Variants in PTDSS1 observed in about 807,000 individuals in gnomAD.
The protein encoded by PTDSS1 is phosphatidylserine synthase 1.
In PTDSS1, 45 loss-of-function variants were observed where a neutral mutation model predicts 70.5. The observed-to-expected ratio is 0.64, with a 90% confidence interval of 0.50 to 0.82. The LOEUF is 0.82. Ranked by LOEUF, PTDSS1 falls within the 40% of genes least tolerant of loss-of-function variation. The pLI is 0.00. For synonymous variants in PTDSS1, 188 were observed against 203.8 expected (o/e 0.92, Z 0.66); for missense variants, 417 against 586.1 (o/e 0.71, Z 2.98).
Position 96,320,332 on chromosome 8 carries a change from G to T in PTDSS1, c.1160G>T (p.Trp387Leu). 1.2e-6 allele frequency: 2 copies of T among 1,609,520 alleles called. No homozygotes were observed. The highest frequency in any genetic ancestry group is 1.7e-6 in the Non-Finnish European group (2 of 1,175,960). The change falls in exon 10 of 13, where the codon TGG (tryptophan) becomes TTG (leucine). Residue 387 changes from tryptophan to leucine, a missense_variant. By Grantham distance (61) the Trp-to-Leu change is moderately conservative. This residue lies in a region of PTDSS1 where 107 missense variants were observed against 122.3 expected (regional missense o/e 0.88). Coordinates refer to ENST00000517309, the MANE Select transcript of PTDSS1 (RefSeq NM_014754.3). ...ACCCAAATACTCTATGTTGTGCTTTGGCTTCTTTGCGTGGTAAGTCACTGC... is the reference window on the plus strand; with the variant it reads ...ACCCAAATACTCTATGTTGTGCTTTTGCTTCTTTGCGTGGTAAGTCACTGC... Reference protein sequence around the residue: ...SKTQILYVVLWLLCVAFTTFL... With the variant: ...SKTQILYVVLLLLCVAFTTFL...
rs1811572379 is a variant in PTDSS1, at chr8:96,334,819, C to G, written c.*1253C>G. On this transcript the variant is annotated 3_prime_UTR_variant, in exon 13 of 13. Coordinates refer to ENST00000517309, the MANE Select transcript of PTDSS1 (RefSeq NM_014754.3). Reference sequence around the variant, plus strand: ...CAAGTTGGACTTTTTTTTCCTCTAACAAGAGGCCAGTACCCAGTTGATTAG... The same window carrying G: ...CAAGTTGGACTTTTTTTTCCTCTAAGAAGAGGCCAGTACCCAGTTGATTAG... The G allele has an allele frequency of 6.6e-6, 1 of 152,160 alleles. No individual in the cohort carries two copies. The highest frequency in any genetic ancestry group is 2.4e-5 in the African/African-American group (1 of 41,430). The allele number at this position is 152,160 out of a possible 1,614,324, so 9.4% of individuals were successfully genotyped here. A position where few individuals can be genotyped will look rare whatever the true frequency, so the allele number is the denominator to read the frequency against.
At chr8:96,289,565 AT>A (rs1389329266) in intron 4 of PTDSS1, among the ~76,000 whole-genome samples, 1 of 152,210 alleles carries the variant, frequency 6.6e-6, no homozygotes, top group Non-Finnish European at 1.5e-5. Flanking sequence ...ATGAATCACA[AT>A]ATCACACTAT....
In PTDSS1 at chr8:96,335,138, G is replaced by T. The variant is rs1421778869; in HGVS notation, c.*1572G>T. 1.3e-5 allele frequency: 2 copies of T among 152,152 alleles called. No individual in the cohort carries two copies. The allele number at this position is 152,152 out of a possible 1,614,324, so 9.4% of individuals were successfully genotyped here. A position where few individuals can be genotyped will look rare whatever the true frequency, so the allele number is the denominator to read the frequency against. ...AGGGATTTGGCTGTGATGAGCCTCA[G>T]CTCCGAGCTCTCAAATGTCCTCCAG... On this transcript the variant is annotated 3_prime_UTR_variant, in exon 13 of 13. Transcript: ENST00000517309.
intron 10 of PTDSS1, among the ~76,000 whole-genome samples, chr8:96,326,840 A>T (rs902201020): frequency 2.6e-5 from 4 of 152,194 alleles, no homozygotes; most frequent in African/African-American, 4.8e-5. Context: ...TTGACAAGTA[A>T]CTGAAGCTGA....
At chr8:96,293,187 T>A (rs141587562) in intron 4 of PTDSS1, among the ~76,000 whole-genome samples, 26 of 152,378 alleles carry the variant, frequency 1.7e-4, no homozygotes, top group African/African-American at 5.8e-4. Flanking sequence ...TATTATAGCA[T>A]CATCTATACT....
chr8:96,321,024 T>C (rs1811366908), intron 10 of PTDSS1, among the ~76,000 whole-genome samples: 1 of 152,268 alleles, frequency 6.6e-6, no homozygotes, highest in Non-Finnish European at 1.5e-5. Flanking sequence ...AAAGTTCTTA[T>C]TTTATATTTA....
Position 96,307,811 on chromosome 8 carries a change from A to T in PTDSS1, c.1007+1255A>T, listed in dbSNP as rs987457934. Among the ~76,000 whole-genome samples, 5 of 152,254 alleles carry T rather than the reference A, an allele frequency of 3.3e-5. No homozygotes were observed. In the East Asian group the frequency reaches 9.6e-4, roughly 29 times the overall value. ...GAAAGAATTTTCTTCTTAGAACAAA[A>T]TAGCAAATCGTATATGATTTATCAT... On this transcript the variant is annotated intron_variant, in intron 8 of 12. Transcript: ENST00000517309.
chr8:96,306,494 C>T lies in PTDSS1; in HGVS notation c.945C>T (p.Ala315=), dbSNP rs1277043309. The change falls in exon 8 of 13, where the codon GCC becomes GCT. Residue 315 remains alanine (A), a synonymous_variant. Transcript: ENST00000517309. ...FFLKHIFVFQ[A]SHPLSWGRIL... is the part of the protein sequence containing the mutation. Reference sequence around the variant, plus strand: ...TGAAGCATATCTTTGTGTTCCAAGCCAGTCATCCATTAAGTTGGGGTAGAA... The same window carrying T: ...TGAAGCATATCTTTGTGTTCCAAGCTAGTCATCCATTAAGTTGGGGTAGAA... The T allele has an allele frequency of 4.3e-6, 7 of 1,614,138 alleles. No individual in the cohort carries two copies. The highest frequency in any genetic ancestry group is 5.9e-6 in the Non-Finnish European group (7 of 1,180,002).
intron 1 of PTDSS1, among the ~76,000 whole-genome samples, chr8:96,268,691 C>T (rs1402657082): frequency 1.3e-5 from 2 of 148,654 alleles, no homozygotes; most frequent in Non-Finnish European, 3.0e-5. Context: ...GCTGTTAAGA[C>T]TTTGTCTCTT....
intron 10 of PTDSS1, among the ~76,000 whole-genome samples, chr8:96,328,767 G>A (rs947223874): frequency 6.6e-6 from 1 of 152,214 alleles, no homozygotes; most frequent in Admixed American, 6.5e-5. Flanking sequence ...TCGACTGCAA[G>A]CTGCCATGAT....
intron 10 of PTDSS1, among the ~76,000 whole-genome samples, chr8:96,327,879 A>C (rs1054204405): frequency 1.3e-5 from 2 of 152,070 alleles, no homozygotes; most frequent in Admixed American, 1.3e-4. Context: ...TTGCTATTTT[A>C]AATCTGAGCC....
At chr8:96,295,894 C>T (rs780667219) in intron 5 of PTDSS1, among the ~76,000 whole-genome samples, 52 of 152,224 alleles carry the variant, frequency 3.4e-4, no homozygotes, top group African/African-American at 1.2e-3. Flanking sequence ...AACTTAGAGA[C>T]GTGTGCCAAC....
intron 2 of PTDSS1, among the ~76,000 whole-genome samples, chr8:96,279,116 G>A (rs1308554939): frequency 6.6e-6 from 1 of 151,068 alleles, no homozygotes; most frequent in Non-Finnish European, 1.5e-5. Flanking sequence ...GATTACAGGT[G>A]CATGCCACCA....
intron 9 of PTDSS1, among the ~76,000 whole-genome samples, chr8:96,319,614 A>C (rs576293725): frequency 1.4e-4 from 21 of 152,260 alleles, no homozygotes; most frequent in Admixed American, 9.8e-4. Flanking sequence ...GAAGGCTGGG[A>C]AGGAATGTGA....
intron 6 of PTDSS1, among the ~76,000 whole-genome samples, chr8:96,303,639 C>G (rs1811080889): frequency 6.6e-6 from 1 of 152,112 alleles, no homozygotes; most frequent in South Asian, 2.1e-4. Flanking sequence ...GTGTGTGAAA[C>G]TTTTAATTGA....
intron 2 of PTDSS1, among the ~76,000 whole-genome samples, chr8:96,274,219 C>G (rs1178233744): frequency 6.6e-6 from 1 of 151,820 alleles, no homozygotes; most frequent in East Asian, 1.9e-4. Context: ...ATGGGCCGGA[C>G]GTACTCGGGT....
chr8:96,335,593 G>C lies in PTDSS1; in HGVS notation c.*2027G>C, dbSNP rs1811584139. The C allele has an allele frequency of 1.3e-5, 2 of 152,240 alleles. No homozygotes were observed. The highest frequency in any genetic ancestry group is 4.1e-4 in the South Asian group (2 of 4,830). The allele number at this position is 152,240 out of a possible 1,614,324, so 9.4% of individuals were successfully genotyped here. A position where few individuals can be genotyped will look rare whatever the true frequency, so the allele number is the denominator to read the frequency against. ...GCATTGTGAAGAGCAGGGTGCACAG[G>C]AGATGATTTTTTCTCCATGGCTTTG... On this transcript the variant is annotated 3_prime_UTR_variant, in exon 13 of 13. Transcript: ENST00000517309.
intron 1 of PTDSS1, among the ~76,000 whole-genome samples, chr8:96,266,751 G>T (rs1412880933): frequency 6.6e-6 from 1 of 152,232 alleles, no homozygotes; most frequent in Non-Finnish European, 1.5e-5. Context: ...GGTTGCACCT[G>T]AGGTCCAGTT....
rs1299094458 is a variant in PTDSS1, at chr8:96,333,809, C to T, written c.*243C>T. ...TCTTCTAACTTCAGCACTTGACATG[C>T]GGTCACCGGTGGCAGCGCGGTGTGT... On this transcript the variant is annotated 3_prime_UTR_variant, in exon 13 of 13. Transcript: ENST00000517309. 2 of 692,710 alleles carry T rather than the reference C, an allele frequency of 2.9e-6. No homozygotes were observed. Among genetic ancestry groups the T allele is most frequent in the Non-Finnish European group, 5.2e-6 (2 of 381,378 alleles). The allele number at this position is 692,710 out of a possible 1,614,324, so 42.9% of individuals were successfully genotyped here. A position where few individuals can be genotyped will look rare whatever the true frequency, so the allele number is the denominator to read the frequency against.
Sources: gnomAD v4.1 joint callset for allele counts (sites outside exome capture counted in the v4.1 genomes callset) on GRCh38, gnomAD v4.1.1 for gene constraint, gnomAD v4.1.1 regional missense constraint, MANE v1.5 for transcripts, NCBI Gene and HGNC (gene_info 2026-07-23, HGNC 2026-07-21) for gene names.